Variants in SNTB2 observed in about 807,000 individuals in gnomAD.
SNTB2 encodes the protein syntrophin beta 2.
Under a neutral mutation model 46.2 loss-of-function variants are expected in SNTB2, and 34 were observed. The ratio of observed to expected loss-of-function variants is 0.74; its 90% CI spans 0.56 to 0.98. The LOEUF (loss-of-function observed/expected upper bound fraction) is 0.98, where lower values mean the gene tolerates loss of function less well. Among genes scored for constraint, SNTB2 ranks in the 50% least tolerant of loss-of-function variants. The pLI is 0.00. For missense variants in SNTB2, 603 were observed against 731.4 expected, an observed-to-expected ratio of 0.82 and a Z score of 2.02; for synonymous variants, 290 against 312.6, an observed-to-expected ratio of 0.93 and a Z score of 0.76.
intron 5 of SNTB2, among the ~76,000 whole-genome samples, chr16:69,297,263 C>A (rs541727218): frequency 1.6e-5 from 2 of 126,500 alleles, no homozygotes; most frequent in Non-Finnish European, 3.1e-5. Flanking sequence ...GCTGAGATTG[C>A]GCCAGTGCAC....
intron 5 of SNTB2, among the ~76,000 whole-genome samples, chr16:69,287,345 A>G (rs1965113663): frequency 6.6e-6 from 1 of 152,090 alleles, no homozygotes; most frequent in African/African-American, 2.4e-5. Context: ...CAAGGAGGGC[A>G]GATCACTTGA....
chr16:69,198,959 C>T (rs376961733), intron 1 of SNTB2, among the ~76,000 whole-genome samples: 14 of 149,296 alleles, frequency 9.4e-5, no homozygotes, highest in Non-Finnish European at 2.1e-4. Context: ...TGCAATGGCA[C>T]GATCTCGGCT....
chr16:69,299,847 T>C (rs1965262534), intron 6 of SNTB2, 73 bp downstream of exon 6: 1 of 1,454,838 alleles, frequency 6.9e-7, no homozygotes, highest in Admixed American at 2.1e-5. Context: ...TTACCCCTTA[T>C]ATACAAAGTC....
At chr16:69,216,466 T>C (rs1041880977) in intron 1 of SNTB2, among the ~76,000 whole-genome samples, 1 of 151,558 alleles carries the variant, frequency 6.6e-6, no homozygotes, top group African/African-American at 2.4e-5. Flanking sequence ...GAGGATTGCA[T>C]GAGATCAGGA....
chr16:69,281,589 G>T (rs957795541), intron 4 of SNTB2, among the ~76,000 whole-genome samples: 2 of 150,444 alleles, frequency 1.3e-5, no homozygotes, highest in Non-Finnish European at 3.0e-5. Flanking sequence ...GGTGGCTCAC[G>T]CCTGTAATCC....
At position 69,303,671 on chromosome 16, in the gene SNTB2, G is replaced by A. The variant is rs8058805; in HGVS notation, c.*2747G>A. ...TTCTTACATACCTAACAGCTCTCCA[G>A]TCATGATGACCAAGGTTGTTCTTCA... On this transcript the variant is annotated 3_prime_UTR_variant, in exon 7 of 7. Transcript: ENST00000336278. 0.25 allele frequency: 38,060 copies of A among 152,468 alleles called. 5,075 individuals are homozygous for A. Among genetic ancestry groups the A allele is most frequent in the African/African-American group, 0.31 (12,745 of 41,434 alleles). The allele number at this position is 152,468 out of a possible 1,614,324, so 9.4% of individuals were successfully genotyped here.
intron 3 of SNTB2, among the ~76,000 whole-genome samples, chr16:69,265,656 G>A (rs376660780): frequency 8.0e-5 from 12 of 150,886 alleles, no homozygotes; most frequent in African/African-American, 2.4e-4. Flanking sequence ...GTGAAACCCC[G>A]TCTCTACTAA....
At position 69,187,260 on chromosome 16, in the gene SNTB2, C is replaced by G; in HGVS notation, c.94C>G (p.Leu32Val). Residue 32 changes from leucine to valine, a missense_variant, in exon 1 of 7, where the codon CTG (leucine) becomes GTG (valine). This residue lies in a region of SNTB2 where 537 missense variants were observed against 692.4 expected (regional missense o/e 0.78). Coordinates refer to ENST00000336278, the MANE Select transcript of SNTB2 (RefSeq NM_006750.4). The stretch of plus-strand genomic sequence containing the variant: ...CAAAGCGGGGCTGGTGGAGCTGCTC[C>G]TGAGGGAGCGCTGGGTCCGAGTGGT... ...ATKAGLVELL[L>V]RERWVRVVAE... The G allele has an allele frequency of 1.3e-6, 2 of 1,488,858 alleles. No individual in the cohort carries two copies. The highest frequency in any genetic ancestry group is 1.3e-5 in the South Asian group (1 of 78,738). The allele number at this position is 1,488,858 out of a possible 1,614,324, so 92.2% of individuals were successfully genotyped here. A position where few individuals can be genotyped will look rare whatever the true frequency, so the allele number is the denominator to read the frequency against.
At position 69,302,541 on chromosome 16, in the gene SNTB2, C is replaced by T. The variant is rs898324611; in HGVS notation, c.*1617C>T. The T allele has an allele frequency of 2.6e-5, 4 of 152,232 alleles. No individual in the cohort carries two copies. The highest frequency in any genetic ancestry group is 6.6e-5 in the Admixed American group (1 of 15,262). The allele number at this position is 152,232 out of a possible 1,614,324, so 9.4% of individuals were successfully genotyped here. A position where few individuals can be genotyped will look rare whatever the true frequency, so the allele number is the denominator to read the frequency against. On this transcript the variant is annotated 3_prime_UTR_variant, in exon 7 of 7. Coordinates refer to ENST00000336278, the MANE Select transcript of SNTB2 (RefSeq NM_006750.4). ...AGGGGGAGAAAAGAAGAGAAAAACA[C>T]ACCTGTGTGCAAAATGAGCTATTTG...
intron 2 of SNTB2, among the ~76,000 whole-genome samples, chr16:69,259,050 A>G (rs1964807232): frequency 6.6e-6 from 1 of 151,980 alleles, no homozygotes; most frequent in African/African-American, 2.4e-5. Context: ...CAGTGTGCCT[A>G]TGTGGTTCAG....
intron 2 of SNTB2, among the ~76,000 whole-genome samples, chr16:69,253,994 G>A (rs1210927074): frequency 1.3e-5 from 2 of 152,058 alleles, no homozygotes; most frequent in African/African-American, 2.4e-5. Flanking sequence ...GAGGAGTGAA[G>A]GAAATTTCTG....
At chr16:69,198,009 T>G (rs1964120940) in intron 1 of SNTB2, among the ~76,000 whole-genome samples, 1 of 151,766 alleles carries the variant, frequency 6.6e-6, no homozygotes, top group Non-Finnish European at 1.5e-5. Context: ...AAAACAGCAA[T>G]GAAAGACTAA....
chr16:69,204,274 A>G (rs1333510971), intron 1 of SNTB2, among the ~76,000 whole-genome samples: 1 of 152,194 alleles, frequency 6.6e-6, no homozygotes, highest in Non-Finnish European at 1.5e-5. Context: ...CACTTGTAGT[A>G]TGAGGAAGCA....
At chr16:69,235,895 C>A (rs1964555345) in intron 1 of SNTB2, 1 of 1,266,232 alleles carries the variant, frequency 7.9e-7, no homozygotes, top group South Asian at 1.3e-5. Flanking sequence ...TGGATGCAGT[C>A]CCATTAGATA....
chr16:69,188,739 C>T (rs1452328640), intron 1 of SNTB2, among the ~76,000 whole-genome samples: 2 of 152,130 alleles, frequency 1.3e-5, no homozygotes, highest in Non-Finnish European at 2.9e-5. Flanking sequence ...GATGCTGTCC[C>T]TACTTGGTCT....
intron 2 of SNTB2, 138 bp downstream of exon 2, chr16:69,245,953 C>T (rs951914882): frequency 2.2e-6 from 2 of 898,248 alleles, no homozygotes; most frequent in African/African-American, 3.4e-5. Flanking sequence ...TTTGGGGTTC[C>T]ACATTTTAAG....
At position 69,307,376 on chromosome 16, in the gene SNTB2, T is replaced by C. The variant is rs1351688139; in HGVS notation, c.*6452T>C. The C allele has an allele frequency of 2.0e-5, 3 of 152,222 alleles. No individual in the cohort carries two copies. The highest frequency in any genetic ancestry group is 4.4e-5 in the Non-Finnish European group (3 of 68,048). The allele number at this position is 152,222 out of a possible 1,614,324, so 9.4% of individuals were successfully genotyped here. A position where few individuals can be genotyped will look rare whatever the true frequency, so the allele number is the denominator to read the frequency against. ...AGTAGGCTGGTCTTTTCATCATGCA[T>C]GATTTTTTTTTTAGTGCAAATTTAG... On this transcript the variant is annotated 3_prime_UTR_variant, in exon 7 of 7. Coordinates refer to ENST00000336278, the MANE Select transcript of SNTB2 (RefSeq NM_006750.4).
chr16:69,254,035 G>A (rs1466575827), intron 2 of SNTB2, among the ~76,000 whole-genome samples: 1 of 152,130 alleles, frequency 6.6e-6, no homozygotes, highest in Non-Finnish European at 1.5e-5. Flanking sequence ...CTTTTAGCAT[G>A]TGCTTAAAAG....
intron 3 of SNTB2, among the ~76,000 whole-genome samples, chr16:69,264,068 T>G (rs1238308740): frequency 6.6e-6 from 1 of 152,104 alleles, no homozygotes; most frequent in African/African-American, 2.4e-5. Context: ...AAAGCTGGGA[T>G]TACAGGCATG....
Sources: gnomAD v4.1 joint callset for allele counts (sites outside exome capture counted in the v4.1 genomes callset) on GRCh38, gnomAD v4.1.1 for gene constraint, gnomAD v4.1.1 regional missense constraint, MANE v1.5 for transcripts, NCBI Gene and HGNC (gene_info 2026-07-23, HGNC 2026-07-21) for gene names.